PAPPA: variants seen among roughly 807,000 people sequenced by gnomAD.
PAPPA encodes pappalysin 1.
Under a neutral mutation model 164.0 loss-of-function variants are expected in PAPPA, and 60 were observed. That is an observed-to-expected ratio of 0.37 (90% CI 0.30 to 0.45). PAPPA has a LOEUF of 0.45. Among genes scored for constraint, PAPPA ranks in the 20% least tolerant of loss-of-function variants. PAPPA has a pLI of 1.00. For missense variants in PAPPA, 1,782 were observed against 2,087.3 expected, an observed-to-expected ratio of 0.85 and a Z score of 2.85; for synonymous variants, 875 against 814.1, an observed-to-expected ratio of 1.07 and a Z score of -1.27.
At chr9:116,279,417 C>T (rs951928877) in intron 9 of PAPPA, among the ~76,000 whole-genome samples, 23 of 152,086 alleles carry the variant, frequency 1.5e-4, no homozygotes, top group African/African-American at 5.6e-4. Flanking sequence ...CTGCCTCAGA[C>T]CAAGGCTTAC....
intron 2 of PAPPA, among the ~76,000 whole-genome samples, chr9:116,199,400 TC>T (rs1844144774): frequency 2.0e-5 from 3 of 152,312 alleles, no homozygotes; most frequent in African/African-American, 7.2e-5. Flanking sequence ...CATTTCAGCT[TC>T]CCTCACTCCC....
chr9:116,315,879 G>A (rs1271078800), intron 10 of PAPPA, among the ~76,000 whole-genome samples: 1 of 152,190 alleles, frequency 6.6e-6, no homozygotes, highest in Non-Finnish European at 1.5e-5. Flanking sequence ...ATAATGATGA[G>A]TAGAGTAAAG....
intron 13 of PAPPA, among the ~76,000 whole-genome samples, chr9:116,336,011 T>A (rs1166355282): frequency 6.6e-6 from 1 of 152,192 alleles, no homozygotes; most frequent in African/African-American, 2.4e-5. Flanking sequence ...AAGTTAGAGC[T>A]GGAAAAAGCT....
intron 9 of PAPPA, among the ~76,000 whole-genome samples, chr9:116,282,102 T>C (rs958714904): frequency 1.3e-5 from 2 of 152,212 alleles, no homozygotes; most frequent in African/African-American, 4.8e-5. Flanking sequence ...TCAGTATCCT[T>C]GGGCGATTTC....
intron 14 of PAPPA, among the ~76,000 whole-genome samples, 196 bp downstream of exon 14, chr9:116,344,907 A>C (rs917477309): frequency 6.6e-5 from 10 of 152,232 alleles, no homozygotes; most frequent in African/African-American, 2.4e-4. Context: ...AATCTCTAAG[A>C]AAAAGGGTTC....
rs914274761 is a variant in PAPPA at position 116,401,592 on chromosome 9, G to GTA, written c.*4985_*4986dup. 4.6e-5 allele frequency: 7 copies of GTA among 150,934 alleles called. No individual in the cohort carries two copies. Among genetic ancestry groups the GTA allele is most frequent in the African/African-American group, 7.3e-5 (3 of 41,118 alleles). The allele number at this position is 150,934 out of a possible 1,614,324, so 9.3% of individuals were successfully genotyped here. ...TATATATAGTTGTACATATATGTGT[G>GTA]TATATATATACTTAAATGTAATATT... On this transcript the variant is annotated 3_prime_UTR_variant, in exon 22 of 22. Coordinates refer to ENST00000328252, the MANE Select transcript of PAPPA (RefSeq NM_002581.5).
intron 9 of PAPPA, chr9:116,287,565 A>T (rs1845355406): frequency 6.6e-6 from 1 of 152,230 alleles, no homozygotes; most frequent in Admixed American, 6.5e-5. Context: ...ACCAGAGTAC[A>T]CCTTGTCAAT....
intron 7 of PAPPA, among the ~76,000 whole-genome samples, chr9:116,248,584 C>T (rs1279557896): frequency 6.6e-6 from 1 of 152,196 alleles, no homozygotes; most frequent in Non-Finnish European, 1.5e-5. Flanking sequence ...CACCTAGACC[C>T]AGCCTCTCTC....
chr9:116,176,645 T>C (rs773039379), intron 1 of PAPPA, among the ~76,000 whole-genome samples: 19 of 152,302 alleles, frequency 1.2e-4, no homozygotes, highest in Non-Finnish European at 2.4e-4. Flanking sequence ...TGTTAGTCTG[T>C]GAACTTGTGG....
At chr9:116,366,044 G>A (rs1846496756) in intron 18 of PAPPA, among the ~76,000 whole-genome samples, 1 of 152,020 alleles carries the variant, frequency 6.6e-6, no homozygotes, top group Non-Finnish European at 1.5e-5. Context: ...TTGGAAGGGG[G>A]GACTTTAAAA....
chr9:116,185,800 A>G (rs1387727336), intron 1 of PAPPA, among the ~76,000 whole-genome samples: 2 of 152,178 alleles, frequency 1.3e-5, no homozygotes, highest in African/African-American at 4.8e-5. Context: ...TCCCAGAGTA[A>G]CTATAGAGAT....
At chr9:116,238,965 A>G (rs755198651) in intron 7 of PAPPA, among the ~76,000 whole-genome samples, 1 of 152,214 alleles carries the variant, frequency 6.6e-6, no homozygotes, top group Non-Finnish European at 1.5e-5. Context: ...ATATCAAATA[A>G]ATTGGCTCTT....
intron 21 of PAPPA, among the ~76,000 whole-genome samples, chr9:116,383,687 G>A (rs1293528147): frequency 6.6e-6 from 1 of 152,186 alleles, no homozygotes; most frequent in Non-Finnish European, 1.5e-5. Flanking sequence ...ATGGCTGTTA[G>A]TTACTGAATC....
intron 2 of PAPPA, among the ~76,000 whole-genome samples, chr9:116,191,958 G>A (rs1416723308): frequency 6.6e-6 from 1 of 152,172 alleles, no homozygotes; most frequent in Admixed American, 6.5e-5. Context: ...GGGGCAAGAG[G>A]AGAAAGTGGT....
chr9:116,217,724 C>T (rs1013149124), intron 4 of PAPPA, among the ~76,000 whole-genome samples: 1 of 152,120 alleles, frequency 6.6e-6, no homozygotes, highest in East Asian at 1.9e-4. Flanking sequence ...AGGCATTGCT[C>T]TTAGTGCCCC....
At chr9:116,155,429 C>T (rs968857978) in intron 1 of PAPPA, among the ~76,000 whole-genome samples, 3 of 152,246 alleles carry the variant, frequency 2.0e-5, no homozygotes, top group Non-Finnish European at 2.9e-5. Flanking sequence ...TTTCCCCCCT[C>T]TAAATGAATC....
intron 14 of PAPPA, among the ~76,000 whole-genome samples, chr9:116,345,358 AG>A (rs1193290287): frequency 6.6e-6 from 1 of 151,642 alleles, no homozygotes; most frequent in African/African-American, 2.4e-5. Flanking sequence ...AGATCAGCAA[AG>A]GGGTGTGTGT....
chr9:116,330,035 G>A (rs1588006492), intron 10 of PAPPA, among the ~76,000 whole-genome samples: 1 of 151,910 alleles, frequency 6.6e-6, no homozygotes, highest in Admixed American at 6.6e-5. Flanking sequence ...CTTGTTTTAG[G>A]TGTTTATGTT....
chr9:116,180,389 G>A (rs148045368), intron 1 of PAPPA, among the ~76,000 whole-genome samples: 2 of 152,148 alleles, frequency 1.3e-5, no homozygotes, highest in East Asian at 1.9e-4. Context: ...CCAATCCCTC[G>A]CTGGGATCCT....
Sources: gnomAD v4.1 joint callset for allele counts (sites outside exome capture counted in the v4.1 genomes callset) on GRCh38, gnomAD v4.1.1 for gene constraint, MANE v1.5 for transcripts, NCBI Gene and HGNC (gene_info 2026-07-23, HGNC 2026-07-21) for gene names.